LRRTM3: variants seen among roughly 807,000 people sequenced by gnomAD.
The protein encoded by LRRTM3 is leucine rich repeat transmembrane neuronal 3, also known as leucine-rich repeat transmembrane neuronal protein 3.
In LRRTM3, 24 loss-of-function variants were observed where a neutral mutation model predicts 44.7. The observed-to-expected ratio is 0.54, with a 90% confidence interval of 0.39 to 0.76. The LOEUF (loss-of-function observed/expected upper bound fraction) is 0.76, where lower values mean the gene tolerates loss of function less well. Among genes scored for constraint, LRRTM3 ranks in the 30% least tolerant of loss-of-function variants. The pLI is 0.00. For synonymous variants in LRRTM3, 277 were observed against 278.7 expected, an observed-to-expected ratio of 0.99 and a Z score of 0.06; for missense variants, 587 against 702.2, an observed-to-expected ratio of 0.84 and a Z score of 1.85.
chr10:66,927,025 G>T lies in LRRTM3; in HGVS notation c.109G>T (p.Gly37Cys), dbSNP rs377040735. 8 of 1,614,070 alleles carry T rather than the reference G, an allele frequency of 5.0e-6. No individual in the cohort carries two copies. The highest frequency in any genetic ancestry group is 6.8e-6 in the Non-Finnish European group (8 of 1,180,024). ...LSSAERGCPK[G>C]CRCEGKMVYC... Reference sequence around the variant, plus strand: ...TTCTGCCGAACGAGGATGCCCTAAGGGCTGTAGGTGTGAAGGCAAAATGGT... The same window carrying T: ...TTCTGCCGAACGAGGATGCCCTAAGTGCTGTAGGTGTGAAGGCAAAATGGT... Residue 37 changes from glycine to cysteine, a missense_variant, in exon 2 of 3, where the codon GGC becomes TGC. Around this residue, in one of 3 missense-constraint regions of LRRTM3, gnomAD observed 50 missense variants for 43.4 expected, o/e 1.15. Transcript: ENST00000361320. The surrounding 1 kb of genome is among the most constrained non-coding windows in gnomAD (Gnocchi z 4.7).
At chr10:67,041,578 A>C (rs1489905706) in intron 2 of LRRTM3, among the ~76,000 whole-genome samples, 1 of 152,106 alleles carries the variant, frequency 6.6e-6, no homozygotes, top group Non-Finnish European at 1.5e-5. Context: ...TGGCTCATAA[A>C]AGCAATGGAA....
chr10:67,032,786 G>A (rs541158708), intron 2 of LRRTM3, among the ~76,000 whole-genome samples: 1 of 152,186 alleles, frequency 6.6e-6, no homozygotes, highest in South Asian at 2.1e-4. Context: ...TTTTTTATGT[G>A]TTCTCAGTTC....
chr10:66,987,616 G>A (rs1465040725), intron 2 of LRRTM3, among the ~76,000 whole-genome samples: 2 of 152,120 alleles, frequency 1.3e-5, no homozygotes, highest in Non-Finnish European at 2.9e-5. Flanking sequence ...AAGAATCATT[G>A]AGGAAATGTC....
intron 2 of LRRTM3, among the ~76,000 whole-genome samples, chr10:67,069,104 A>G (rs1274906382): frequency 2.6e-5 from 4 of 152,038 alleles, no homozygotes; most frequent in Non-Finnish European, 5.9e-5. Context: ...AAGAAAAAGA[A>G]GAAGACAAAA....
chr10:67,059,781 C>G (rs1277341367), intron 2 of LRRTM3, among the ~76,000 whole-genome samples: 1 of 152,032 alleles, frequency 6.6e-6, no homozygotes, highest in Non-Finnish European at 1.5e-5. Context: ...TAATCTGTCT[C>G]AAAATTAGGA....
rs1303708318 is a variant in LRRTM3 at position 66,926,392 on chromosome 10, G to A, written c.-192G>A. ...GCGAATGCGGTGTTGGGATTTATTT[G>A]TTCTTGGAGTGTTCTGCGTGGCTGG... On this transcript the variant is annotated 5_prime_UTR_variant, in exon 1 of 3. Transcript: ENST00000361320. The A allele has an allele frequency of 3.1e-6, 2 of 655,296 alleles. No homozygotes were observed. The highest frequency in any genetic ancestry group is 4.9e-5 in the Admixed American group (2 of 41,156). The allele number at this position is 655,296 out of a possible 1,614,324, so 40.6% of individuals were successfully genotyped here. A position where few individuals can be genotyped will look rare whatever the true frequency, so the allele number is the denominator to read the frequency against.
intron 2 of LRRTM3, among the ~76,000 whole-genome samples, chr10:67,053,049 C>T (rs903732208): frequency 1.3e-5 from 2 of 152,128 alleles, no homozygotes; most frequent in African/African-American, 4.8e-5. Context: ...GTCTATAACA[C>T]ATACAAAAGC....
intron 2 of LRRTM3, among the ~76,000 whole-genome samples, chr10:66,989,633 T>C (rs894534566): frequency 1.3e-5 from 2 of 152,150 alleles, no homozygotes; most frequent in African/African-American, 4.8e-5. Flanking sequence ...AAGAACTTTT[T>C]CTATATATGA....
intron 2 of LRRTM3, among the ~76,000 whole-genome samples, chr10:66,941,715 T>G (rs1848005902): frequency 6.6e-6 from 1 of 152,178 alleles, no homozygotes; most frequent in African/African-American, 2.4e-5. Context: ...GCACTGCCCG[T>G]GCCAGCCAGA....
intron 2 of LRRTM3, among the ~76,000 whole-genome samples, chr10:67,088,503 T>C (rs907413969): frequency 1.3e-5 from 2 of 151,938 alleles, no homozygotes; most frequent in African/African-American, 2.4e-5. Context: ...GTGCCTGCAT[T>C]ACATAAGACT....
chr10:66,963,010 T>C (rs970533095), intron 2 of LRRTM3, among the ~76,000 whole-genome samples: 12 of 152,170 alleles, frequency 7.9e-5, no homozygotes, highest in African/African-American at 2.9e-4. Flanking sequence ...TTTGGAATCT[T>C]ATCTTCCAGG....
intron 2 of LRRTM3, among the ~76,000 whole-genome samples, chr10:66,993,906 C>A (rs950427197): frequency 6.6e-6 from 1 of 152,076 alleles, no homozygotes; most frequent in Admixed American, 6.6e-5. Flanking sequence ...TCTTGTTTCT[C>A]CCAACATTTA....
At chr10:66,987,302 G>A (rs1319699774) in intron 2 of LRRTM3, among the ~76,000 whole-genome samples, 1 of 152,182 alleles carries the variant, frequency 6.6e-6, no homozygotes, top group Non-Finnish European at 1.5e-5. Flanking sequence ...CAGAATTAGA[G>A]AGACAGTTAT....
rs192051005 is a variant in LRRTM3, at chr10:67,043,861, T to C, written c.1537-53726T>C. Among the ~76,000 whole-genome samples, 406 of 151,530 alleles carry C rather than the reference T, an allele frequency of 2.7e-3. 3 individuals carry two copies. The highest frequency in any genetic ancestry group is 9.3e-3 in the African/African-American group (385 of 41,386). ...ACTTTTTTTTCTGTTTACTTCTATATGCCCAACATTCTGTTCTGTAGGCAA... is the reference window on the plus strand; with the variant it reads ...ACTTTTTTTTCTGTTTACTTCTATACGCCCAACATTCTGTTCTGTAGGCAA... On this transcript the variant is annotated intron_variant, in intron 2 of 2. Transcript: ENST00000361320.
chr10:67,063,003 T>C (rs1359854183), intron 2 of LRRTM3, among the ~76,000 whole-genome samples: 2 of 152,126 alleles, frequency 1.3e-5, no homozygotes, highest in African/African-American at 4.8e-5. Flanking sequence ...TCTTTTAGGC[T>C]TTCCAGTGCT....
At chr10:67,078,739 A>G (rs767257304) in intron 2 of LRRTM3, among the ~76,000 whole-genome samples, 38 of 151,924 alleles carry the variant, frequency 2.5e-4, no homozygotes, top group Non-Finnish European at 5.0e-4. Flanking sequence ...GATGGTCTCA[A>G]TCTCCTGACC....
Position 67,014,110 on chromosome 10 carries a change from T to C in LRRTM3, c.1537-83477T>C, listed in dbSNP as rs115248603. Among the ~76,000 whole-genome samples the C allele has an allele frequency of 4.9e-3, 743 of 152,332 alleles. 14 individuals carry two copies. The highest frequency in any genetic ancestry group is 0.017 in the African/African-American group (696 of 41,584). Reference sequence around the variant, plus strand: ...CAACATTAGTTTGTATTTTGGTTCATTGTAGAAGTCGATCACTATTGTGCA... The same window carrying C: ...CAACATTAGTTTGTATTTTGGTTCACTGTAGAAGTCGATCACTATTGTGCA... On this transcript the variant is annotated intron_variant, in intron 2 of 2. Transcript: ENST00000361320.
chr10:67,040,006 T>C (rs1854294884), intron 2 of LRRTM3, among the ~76,000 whole-genome samples: 1 of 152,090 alleles, frequency 6.6e-6, no homozygotes, highest in Non-Finnish European at 1.5e-5. Context: ...TCCTGTCCTC[T>C]CCATGTGCTG....
chr10:66,956,654 T>C (rs1848807649), intron 2 of LRRTM3, among the ~76,000 whole-genome samples: 1 of 152,216 alleles, frequency 6.6e-6, no homozygotes, highest in Admixed American at 6.5e-5. Flanking sequence ...TTCCTCTTAT[T>C]ATTTTTACCT....
Sources: allele counts gnomAD v4.1 joint callset (sites outside exome capture counted in the v4.1 genomes callset), GRCh38; gene constraint gnomAD v4.1.1; regional missense constraint gnomAD v4.1.1; non-coding constraint Gnocchi (gnomAD v3.1); transcripts MANE v1.5; gene names NCBI Gene and HGNC (gene_info 2026-07-23, HGNC 2026-07-21).